Variants in TMEM220 observed in about 807,000 individuals in gnomAD.
TMEM220 encodes transmembrane protein 220.
In TMEM220, 21 loss-of-function variants were observed where a neutral mutation model predicts 21.7. The observed-to-expected ratio is 0.97, with a 90% CI of 0.69 to 1.39. TMEM220 has a LOEUF of 1.39. Ranked by LOEUF, TMEM220 falls within the 40% of genes most tolerant of loss-of-function variation. TMEM220 has a pLI of 0.00. For synonymous variants in TMEM220, 80 were observed against 73.6 expected (o/e 1.09, Z -0.45); for missense variants, 191 against 201.9 (o/e 0.95, Z 0.33).
At chr17:10,724,759 GTAATA>G (rs1452164370) in intron 4 of TMEM220, among the ~76,000 whole-genome samples, 2 of 152,102 alleles carry the variant, frequency 1.3e-5, no homozygotes, top group African/African-American at 4.8e-5. Flanking sequence ...CGGCCTGACA[GTAATA>G]TAATGTAATA....
At chr17:10,716,050 C>G in intron 5 of TMEM220, 4 of 636,142 alleles carry the variant, frequency 6.3e-6, no homozygotes, top group South Asian at 1.5e-5. Context: ...CCCACCCCCC[C>G]ATGTCCACAT....
chr17:10,724,396 G>GT (rs2075024664), intron 4 of TMEM220: 1 of 152,496 alleles, frequency 6.6e-6, no homozygotes, highest in Non-Finnish European at 1.5e-5. Context: ...GCTGACCAAC[G>GT]TGATAAAACT....
chr17:10,725,133 A>T lies in TMEM220; in HGVS notation c.165T>A (p.Gly55=). The change falls in exon 4 of 6, where the codon GGT becomes GGA. Residue 55 remains glycine, a splice_region_variant and synonymous_variant. Transcript: ENST00000341871. The part of the protein sequence containing the change: ...LLVGLNPEVT[G]NVIWKSISAI... ...CAGAGATACTTTTCCAAATAACATT[A>T]CCTAAAAATAGATGTTCTGATGTTG... 1.2e-6 allele frequency: 2 copies of T among 1,613,964 alleles called. No individual in the cohort carries two copies. The highest frequency in any genetic ancestry group is 2.7e-5 in the African/African-American group (2 of 75,008).
chr17:10,716,529 C>T, intron 5 of TMEM220: 2 of 618,738 alleles, frequency 3.2e-6, no homozygotes, highest in Non-Finnish European at 6.3e-6. Context: ...CAAAAGACAA[C>T]TGAGACTGAA....
intron 5 of TMEM220, among the ~76,000 whole-genome samples, chr17:10,718,956 T>C (rs933204035): frequency 2.6e-5 from 4 of 152,250 alleles, no homozygotes; most frequent in African/African-American, 7.2e-5. Flanking sequence ...GTTATTTTTC[T>C]TTTTTGTGTT....
Position 10,729,847 on chromosome 17 carries a change from G to C in TMEM220, c.5C>G (p.Ala2Gly). 7.4e-7 allele frequency: 1 copy of C among 1,356,526 alleles called. No individual in the cohort carries two copies. The highest frequency in any genetic ancestry group is 1.5e-5 in the African/African-American group (1 of 66,250). The allele number at this position is 1,356,526 out of a possible 1,614,324, so 84.0% of individuals were successfully genotyped here. M[A>G]PALWRACNGL... ...GTTGCAGGCCCGCCACAGCGCTGGC[G>C]CCATGGCTCGGAGAACACGGCGCGG... Residue 2 changes from alanine (A) to glycine (G), a missense_variant, in exon 1 of 6, where the codon GCG becomes GGG. Transcript: ENST00000341871.
rs2074876135 is a variant in TMEM220, at chr17:10,713,918, T to G, written c.*1535A>C. On this transcript the variant is annotated 3_prime_UTR_variant, in exon 6 of 6. Transcript: ENST00000341871. ...CCTAACCTGTGGAAGGCACTACTCGTTCTTTTTGAGTGAAGTATTTCCCAG... is the reference window on the plus strand; with the variant it reads ...CCTAACCTGTGGAAGGCACTACTCGGTCTTTTTGAGTGAAGTATTTCCCAG... 4 of 152,232 alleles carry G rather than the reference T, an allele frequency of 2.6e-5. No homozygotes were observed. In the South Asian group the frequency reaches 8.3e-4, roughly 31 times the overall value. 9.4% of individuals were successfully genotyped at this position (152,232 alleles called of 1,614,324 possible). A position where few individuals can be genotyped will look rare whatever the true frequency, so the allele number is the denominator to read the frequency against.
intron 5 of TMEM220, chr17:10,716,643 G>T (rs366196): frequency 0.48 from 185,438 of 389,630 alleles, 45,779 homozygotes; most frequent in African/African-American, 0.66. Context: ...ATGAAAGTTG[G>T]AAAGTAGGGG....
downstream of TMEM220, chr17:10,711,342 A>T (rs2074851937): frequency 1.0e-5 from 6 of 580,380 alleles, no homozygotes; most frequent in East Asian, 1.8e-4. Context: ...GAAACAAACC[A>T]GGGAGGAAAC....
intron 2 of TMEM220, 82 bp downstream of exon 2, chr17:10,728,949 G>A: frequency 1.4e-6 from 2 of 1,439,498 alleles, no homozygotes; most frequent in Non-Finnish European, 2.0e-6. Flanking sequence ...AGGGAGGAGG[G>A]GTAAAGACAT....
intron 2 of TMEM220, among the ~76,000 whole-genome samples, chr17:10,727,630 GT>G (rs1345783324): frequency 1.1e-4 from 17 of 152,296 alleles, no homozygotes; most frequent in African/African-American, 3.8e-4. Context: ...GGCAAAGGCA[GT>G]TTGATTTGAT....
In TMEM220 at chr17:10,715,399, T is replaced by G. The variant is rs2074900690; in HGVS notation, c.*54A>C. 5 of 1,524,858 alleles carry G rather than the reference T, an allele frequency of 3.3e-6. No individual in the cohort carries two copies. The Admixed American group carries it at 1.1e-4, about 34-fold the overall frequency. The allele number at this position is 1,524,858 out of a possible 1,614,324, so 94.5% of individuals were successfully genotyped here. On this transcript the variant is annotated 3_prime_UTR_variant, in exon 6 of 6. Coordinates refer to ENST00000341871, the MANE Select transcript of TMEM220 (RefSeq NM_001004313.3). Reference sequence around the variant, plus strand: ...AACTCCTGGCTTGTTCCCCTAATGTTTATAAAAAATTGATTGAAAATATTC... The same window carrying G: ...AACTCCTGGCTTGTTCCCCTAATGTGTATAAAAAATTGATTGAAAATATTC...
intron 2 of TMEM220, among the ~76,000 whole-genome samples, chr17:10,727,900 T>C (rs540154953): frequency 1.5e-4 from 23 of 152,222 alleles, no homozygotes; most frequent in Admixed American, 1.4e-3. Flanking sequence ...GTGACTCATG[T>C]CTGTAATCCC....
chr17:10,725,820 A>AT (rs1291630293), intron 3 of TMEM220, among the ~76,000 whole-genome samples: 1 of 152,200 alleles, frequency 6.6e-6, no homozygotes, highest in Non-Finnish European at 1.5e-5. Flanking sequence ...TACCTTAAAG[A>AT]TGCAGACGGA....
downstream of TMEM220, among the ~76,000 whole-genome samples, chr17:10,712,040 A>T (rs553792932): frequency 2.0e-5 from 3 of 152,342 alleles, no homozygotes; most frequent in South Asian, 4.1e-4. Context: ...GGCGACTTAA[A>T]CCAACATATA....
At chr17:10,715,940 T>C in intron 5 of TMEM220, 1 of 357,550 alleles carries the variant, frequency 2.8e-6, no homozygotes, top group Non-Finnish European at 5.2e-6. Context: ...TTGCTTTTTT[T>C]AAATTTTATC....
chr17:10,720,942 T>C (rs929955424), intron 5 of TMEM220, among the ~76,000 whole-genome samples: 1 of 152,238 alleles, frequency 6.6e-6, no homozygotes. Context: ...AGATATAAAA[T>C]GTTCAATAAG....
downstream of TMEM220, among the ~76,000 whole-genome samples, chr17:10,712,134 C>T (rs940313143): frequency 6.6e-5 from 10 of 152,198 alleles, no homozygotes; most frequent in Non-Finnish European, 2.9e-5. Context: ...GGCCATGCTC[C>T]CTGAGGAGGG....
At chr17:10,716,325 T>C (rs1044477621) in intron 5 of TMEM220, 10 of 650,410 alleles carry the variant, frequency 1.5e-5, no homozygotes, top group African/African-American at 1.3e-4. Flanking sequence ...TGTCATCAAT[T>C]ATACTCTTCA....
Sources: allele counts gnomAD v4.1 joint callset (sites outside exome capture counted in the v4.1 genomes callset), GRCh38; gene constraint gnomAD v4.1.1; transcripts MANE v1.5; gene names NCBI Gene and HGNC (gene_info 2026-07-23, HGNC 2026-07-21).